The following NEXN variants were observed in gnomAD, a reference collection of about 807,000 sequenced individuals.
NEXN encodes the protein nexilin F-actin binding protein.
NEXN carries 65 observed loss-of-function variants against 92.6 expected under a neutral mutation model. That is an observed-to-expected ratio of 0.70 (90% CI 0.57 to 0.86). The LOEUF is 0.86. NEXN is among the 40% of genes least tolerant of loss of function. The probability of loss-of-function intolerance (pLI) is 0.00; values close to 1 mark genes in which losing one functional copy is unlikely to be tolerated. For synonymous variants in NEXN, 254 were observed against 242.5 expected (o/e 1.05, Z -0.44); for missense variants, 778 against 771.1 (o/e 1.01, Z -0.11).
chr1:77,925,233 A>C lies in NEXN; in HGVS notation c.489+4A>C. On this transcript the variant is annotated splice_donor_region_variant and intron_variant, in intron 6 of 12. Transcript: ENST00000334785. ...GGGAACTGAATCAGCATCAGAGGTA[A>C]ACAGACATTTCCTTTAATGAAACAT... The C allele has an allele frequency of 6.3e-7, 1 of 1,592,634 alleles. No individual in the cohort carries two copies. The highest frequency in any genetic ancestry group is 8.6e-7 in the Non-Finnish European group (1 of 1,162,268).
At chr1:77,899,409 C>G (rs1282300650) in intron 1 of NEXN, among the ~76,000 whole-genome samples, 1 of 151,874 alleles carries the variant, frequency 6.6e-6, no homozygotes, top group African/African-American at 2.4e-5. Context: ...ATCGCAAGGA[C>G]AAAAAACCAA....
intron 5 of NEXN, among the ~76,000 whole-genome samples, chr1:77,922,831 G>A (rs1026050920): frequency 1.5e-4 from 22 of 148,992 alleles, no homozygotes; most frequent in African/African-American, 4.9e-5. Context: ...TCCTGATCTC[G>A]TGATCCGCCC....
At chr1:77,914,903 T>C (rs1307396803) in intron 1 of NEXN, among the ~76,000 whole-genome samples, 1 of 152,094 alleles carries the variant, frequency 6.6e-6, no homozygotes, top group African/African-American at 2.4e-5. Flanking sequence ...AATTGATTTT[T>C]GTAAAAAGCA....
chr1:77,917,415 T>C lies in NEXN; in HGVS notation c.28-151T>C, dbSNP rs577290398. 6.5e-6 allele frequency: 4 copies of C among 618,062 alleles called. No individual in the cohort carries two copies. In the Admixed American group the frequency reaches 1.2e-4, roughly 18 times the overall value. 38.3% of individuals were successfully genotyped at this position (618,062 alleles called of 1,614,324 possible). A position where few individuals can be genotyped will look rare whatever the true frequency, so the allele number is the denominator to read the frequency against. ...TAGTTAGGTTTTAGAAAGTATCTAATCAGGTTGTGATGGTCAAATAAAGGG... is the reference window on the plus strand; with the variant it reads ...TAGTTAGGTTTTAGAAAGTATCTAACCAGGTTGTGATGGTCAAATAAAGGG... On this transcript the variant is annotated intron_variant, in intron 2 of 12. Transcript: ENST00000334785.
At chr1:77,931,231 CAAAAAAAAAA>C (rs367898061) in intron 9 of NEXN, among the ~76,000 whole-genome samples, 4 of 120,566 alleles carry the variant, frequency 3.3e-5, no homozygotes, top group African/African-American at 1.5e-4. Flanking sequence ...ACTAAAAATA[CAAAAAAAAAA>C]AAAAAAAAAA....
intron 1 of NEXN, among the ~76,000 whole-genome samples, chr1:77,890,846 GTC>G (rs1647090021): frequency 6.6e-6 from 1 of 152,130 alleles, no homozygotes; most frequent in Non-Finnish European, 1.5e-5. Flanking sequence ...ACAGGTAAAA[GTC>G]TAAACGTTTT....
chr1:77,926,959 C>T, intron 8 of NEXN, 67 bp downstream of exon 8: 1 of 1,578,854 alleles, frequency 6.3e-7, no homozygotes, highest in Non-Finnish European at 8.7e-7. Flanking sequence ...ATAAGGTTTA[C>T]TACTACAAAT....
intron 2 of NEXN, among the ~76,000 whole-genome samples, chr1:77,916,451 A>G (rs188968588): frequency 1.3e-5 from 2 of 152,296 alleles, no homozygotes; most frequent in East Asian, 1.9e-4. Context: ...TTATTTTAGT[A>G]TTAAAACAAA....
chr1:77,903,802 G>A (rs966596384), intron 1 of NEXN, among the ~76,000 whole-genome samples: 1 of 152,058 alleles, frequency 6.6e-6, no homozygotes, highest in Non-Finnish European at 1.5e-5. Flanking sequence ...GTGTGTGCCT[G>A]TAGTTTCAGC....
chr1:77,891,232 A>G (rs1398081225), intron 1 of NEXN, among the ~76,000 whole-genome samples: 1 of 152,176 alleles, frequency 6.6e-6, no homozygotes, highest in African/African-American at 2.4e-5. Context: ...TTAATACACC[A>G]TGTTATATTT....
At chr1:77,901,829 C>T (rs1647738637) in intron 1 of NEXN, among the ~76,000 whole-genome samples, 1 of 152,174 alleles carries the variant, frequency 6.6e-6, no homozygotes, top group South Asian at 2.1e-4. Flanking sequence ...GATTCAAACT[C>T]CTGGGATCAA....
At chr1:77,938,523 T>A (rs139439796) in intron 11 of NEXN, among the ~76,000 whole-genome samples, 1 of 149,260 alleles carries the variant, frequency 6.7e-6, no homozygotes, top group African/African-American at 2.5e-5. Flanking sequence ...GTGGCACGGG[T>A]CTATAGTCCC....
Position 77,913,371 on chromosome 1 carries a change from T to C in NEXN, c.-52-2684T>C, listed in dbSNP as rs969234308. ...CGGAGGTTGCAGTGAGCCGAGATCA[T>C]GCCACTGCTCTCTAGCCTGGGTGAC... On this transcript the variant is annotated intron_variant, in intron 1 of 12. Transcript: ENST00000334785. 2.0e-5 allele frequency among the ~76,000 whole-genome samples: 3 copies of C among 150,734 alleles called. No individual in the cohort carries two copies. In the East Asian group the frequency reaches 5.9e-4, roughly 30 times the overall value.
rs1395606003 is a variant in NEXN at position 77,935,996 on chromosome 1, A to G, written c.1425A>G (p.Arg475=). 6.2e-7 allele frequency: 1 copy of G among 1,613,618 alleles called. No homozygotes were observed. The highest frequency in any genetic ancestry group is 8.5e-7 in the Non-Finnish European group (1 of 1,179,750). ...KKIEEERARR[R]AIDLEIKERE... ...TAGAAGAAGAGCGAGCAAGAAGGAGAGCAATTGACCTTGAAATTAAAGAGC... is the reference window on the plus strand; with the variant it reads ...TAGAAGAAGAGCGAGCAAGAAGGAGGGCAATTGACCTTGAAATTAAAGAGC... Residue 475 remains arginine, a synonymous_variant, in exon 11 of 13, where the codon AGA becomes AGG. Coordinates refer to ENST00000334785, the MANE Select transcript of NEXN (RefSeq NM_144573.4).
At chr1:77,919,457 A>G (rs1649245210) in intron 5 of NEXN, among the ~76,000 whole-genome samples, 1 of 152,162 alleles carries the variant, frequency 6.6e-6, no homozygotes, top group Admixed American at 6.5e-5. Flanking sequence ...AAAGAAATGT[A>G]TTTACCCTGG....
At chr1:77,896,602 A>G (rs1212964328) in intron 1 of NEXN, among the ~76,000 whole-genome samples, 6 of 152,044 alleles carry the variant, frequency 3.9e-5, no homozygotes, top group Non-Finnish European at 5.9e-5. Flanking sequence ...CCTACTAAAA[A>G]TACAAAAATT....
chr1:77,909,394 T>G (rs1648386628), intron 1 of NEXN, among the ~76,000 whole-genome samples: 1 of 152,102 alleles, frequency 6.6e-6, no homozygotes, highest in Non-Finnish European at 1.5e-5. Flanking sequence ...CACTCCAGCC[T>G]GGGCAACAAG....
Position 77,943,611 on chromosome 1 carries a change from TTA to T in NEXN, c.*784_*785del, listed in dbSNP as rs1651592898. The T allele has an allele frequency of 6.6e-6, 1 of 152,048 alleles. No homozygotes were observed. Among genetic ancestry groups the T allele is most frequent in the Non-Finnish European group, 1.5e-5 (1 of 67,918 alleles). The allele number at this position is 152,048 out of a possible 1,614,324, so 9.4% of individuals were successfully genotyped here. A position where few individuals can be genotyped will look rare whatever the true frequency, so the allele number is the denominator to read the frequency against. ...TATATATTAAATTTATAAAGCAAAT[TTA>T]TGTTGTGATCTTGCCTGAACAAATT... On this transcript the variant is annotated 3_prime_UTR_variant, in exon 13 of 13. Transcript: ENST00000334785.
Position 77,918,247 on chromosome 1 carries a change from C to A in NEXN, c.421C>A (p.Arg141Ser). 1 of 1,613,858 alleles carries A rather than the reference C, an allele frequency of 6.2e-7. No individual in the cohort carries two copies. Among genetic ancestry groups the A allele is most frequent in the East Asian group, 2.2e-5 (1 of 44,852 alleles). The change falls in exon 5 of 13, where the codon CGT (arginine) becomes AGT (serine). Residue 141 changes from arginine (R) to serine (S), a missense_variant. By Grantham distance (110) the Arg-to-Ser change is moderately radical. Around this residue, in one of 3 missense-constraint regions of NEXN, gnomAD observed 236 missense variants for 265.6 expected, o/e 0.89. Transcript: ENST00000334785. ...QDMLEKRKIQ[R>S]ELAKRAEQIE... is the part of the protein sequence containing the mutation. ...TATGTTAGAAAAGAGGAAAATACAGCGTGAATTAGCAAAAAGGGCTGAACA... is the reference window on the plus strand; with the variant it reads ...TATGTTAGAAAAGAGGAAAATACAGAGTGAATTAGCAAAAAGGGCTGAACA...
Sources: allele counts gnomAD v4.1 joint callset (sites outside exome capture counted in the v4.1 genomes callset), GRCh38; gene constraint gnomAD v4.1.1; regional missense constraint gnomAD v4.1.1; transcripts MANE v1.5; gene names NCBI Gene and HGNC (gene_info 2026-07-23, HGNC 2026-07-21).